The following CRTAC1 variants were observed in gnomAD, a reference collection of about 807,000 sequenced individuals.
CRTAC1 encodes the protein cartilage acidic protein 1, also known as acidic secreted protein in cartilage.
Under a neutral mutation model 67.8 loss-of-function variants are expected in CRTAC1, and 37 were observed. That is an observed-to-expected ratio of 0.55 (90% CI 0.42 to 0.72). The LOEUF (loss-of-function observed/expected upper bound fraction) is 0.72, where lower values mean the gene tolerates loss of function less well. Ranked by LOEUF, CRTAC1 falls within the 30% of genes least tolerant of loss-of-function variation. CRTAC1 has a pLI of 0.00. For missense variants in CRTAC1, 780 were observed against 931.6 expected (o/e 0.84, Z 2.12); for synonymous variants, 348 against 371.0 (o/e 0.94, Z 0.71).
chr10:97,878,614 T>C (rs945768597), intron 14 of CRTAC1: 1 of 1,303,588 alleles, frequency 7.7e-7, no homozygotes, highest in Non-Finnish European at 1.0e-6. Flanking sequence ...CGTTACATCA[T>C]TTCCAAAGAG....
At chr10:97,966,021 C>G (rs1040445869) in intron 2 of CRTAC1, among the ~76,000 whole-genome samples, 24 of 152,218 alleles carry the variant, frequency 1.6e-4, no homozygotes, top group African/African-American at 5.1e-4. Context: ...TGTTCTAGGT[C>G]ATTTCTGAGT....
intron 2 of CRTAC1, among the ~76,000 whole-genome samples, chr10:97,943,001 T>A (rs141340220): frequency 6.6e-6 from 1 of 151,664 alleles, no homozygotes; most frequent in East Asian, 1.9e-4. Flanking sequence ...GAGCACAGGA[T>A]GTCGAGACTG....
Position 97,928,072 on chromosome 10 carries a change from C to T in CRTAC1, c.422-4672G>A, listed in dbSNP as rs148487719. Among the ~76,000 whole-genome samples the T allele has an allele frequency of 1.3e-3, 195 of 152,280 alleles. 3 individuals are homozygous for T. The highest frequency in any genetic ancestry group is 3.5e-3 in the African/African-American group (147 of 41,548). On this transcript the variant is annotated intron_variant, in intron 3 of 14. Coordinates refer to ENST00000370597, the MANE Select transcript of CRTAC1 (RefSeq NM_018058.7). ...GGGAAAGACACTGAGAAGGTAGAGG[C>T]GTGGGAGAAACAGGAGAGCATTTGG...
chr10:98,005,100 A>ATATATTTTTTTTT, intron 2 of CRTAC1, among the ~76,000 whole-genome samples: 14 of 48,884 alleles, frequency 2.9e-4, no homozygotes, highest in African/African-American at 9.2e-4. Context: ...ATATATATAT[A>ATATATTTTTTTTT]TTTTTTTTTT....
chr10:97,878,693 G>T, intron 14 of CRTAC1: 1 of 1,303,956 alleles, frequency 7.7e-7, no homozygotes, highest in Non-Finnish European at 1.0e-6. Flanking sequence ...GTTCTTTCTA[G>T]AAATCAGAGT....
chr10:97,971,426 C>T (rs1422112834), intron 2 of CRTAC1, among the ~76,000 whole-genome samples: 1 of 152,158 alleles, frequency 6.6e-6, no homozygotes, highest in Non-Finnish European at 1.5e-5. Flanking sequence ...TTGTATGATT[C>T]CACTTATAAG....
chr10:97,941,852 C>T (rs1447161110), intron 2 of CRTAC1, among the ~76,000 whole-genome samples: 1 of 152,226 alleles, frequency 6.6e-6, no homozygotes, highest in Non-Finnish European at 1.5e-5. Context: ...CCTTTGGTGG[C>T]TTCCCATTGC....
At chr10:97,879,718 C>A (rs1163023064) in intron 14 of CRTAC1, 1 of 1,550,466 alleles carries the variant, frequency 6.4e-7, no homozygotes, top group Admixed American at 2.0e-5. Flanking sequence ...AGTCCAAGGC[C>A]TAGAGAAAGA....
At chr10:97,901,712 G>T in intron 7 of CRTAC1, 73 bp from the exon 8 acceptor site, 2 of 1,561,638 alleles carry the variant, frequency 1.3e-6, no homozygotes, top group Non-Finnish European at 1.8e-6. Context: ...CCTCTATGGA[G>T]TGTGGGGGCA....
intron 8 of CRTAC1, among the ~76,000 whole-genome samples, chr10:97,899,841 C>G (rs2050509236): frequency 6.6e-6 from 1 of 152,166 alleles, no homozygotes; most frequent in Admixed American, 6.5e-5. Flanking sequence ...CCTCCTTTCC[C>G]CACCTGGTCC....
chr10:97,947,794 C>T (rs758036538), intron 2 of CRTAC1, among the ~76,000 whole-genome samples: 2 of 152,096 alleles, frequency 1.3e-5, no homozygotes, highest in African/African-American at 2.4e-5. Context: ...TGGCTCATGC[C>T]TGTAATCTAA....
At chr10:98,002,761 C>CT (rs531021933) in intron 2 of CRTAC1, among the ~76,000 whole-genome samples, 981 of 37,292 alleles carry the variant, frequency 0.026, 383 homozygotes, top group Non-Finnish European at 0.044. Context: ...ACAAAACTCA[C>CT]TTTTTTTTTT....
intron 2 of CRTAC1, among the ~76,000 whole-genome samples, chr10:98,005,193 C>T (rs951678860): frequency 1.4e-5 from 2 of 146,252 alleles, no homozygotes; most frequent in African/African-American, 5.1e-5. Flanking sequence ...CAATCTCCCC[C>T]TCCCGAGTTC....
intron 13 of CRTAC1, 86 bp downstream of exon 13, chr10:97,882,700 C>T (rs2050231781): frequency 1.2e-5 from 18 of 1,466,040 alleles, no homozygotes; most frequent in Non-Finnish European, 1.7e-5. Context: ...CTTGCTTGCA[C>T]CCTGGACCTT....
intron 2 of CRTAC1, among the ~76,000 whole-genome samples, chr10:97,971,053 G>A (rs2051703507): frequency 6.6e-6 from 1 of 152,212 alleles, no homozygotes; most frequent in Middle Eastern, 3.2e-3. Flanking sequence ...TACATCGCTA[G>A]TATCAAAGTA....
At chr10:97,996,798 A>ACAT (rs1842581266) in intron 2 of CRTAC1, among the ~76,000 whole-genome samples, 2 of 152,150 alleles carry the variant, frequency 1.3e-5, no homozygotes, top group Non-Finnish European at 2.9e-5. Flanking sequence ...TGTTTATTGC[A>ACAT]GCACTATTCA....
chr10:97,987,611 C>T (rs1489778142), intron 2 of CRTAC1, among the ~76,000 whole-genome samples: 2 of 152,212 alleles, frequency 1.3e-5, no homozygotes, highest in African/African-American at 4.8e-5. Flanking sequence ...TTTATGTGCA[C>T]GAGTGTGCAT....
intron 2 of CRTAC1, among the ~76,000 whole-genome samples, chr10:97,969,930 A>G (rs2051680979): frequency 1.3e-5 from 2 of 152,164 alleles, no homozygotes; most frequent in Admixed American, 6.5e-5. Flanking sequence ...TCTCCACCCC[A>G]GACCTCTTCC....
At chr10:97,903,645 C>T (rs1411519220) in intron 7 of CRTAC1, among the ~76,000 whole-genome samples, 1 of 152,072 alleles carries the variant, frequency 6.6e-6, no homozygotes, top group East Asian at 1.9e-4. Flanking sequence ...TGGAACTTTC[C>T]CATTTCCTCA....
Sources: allele counts gnomAD v4.1 joint callset (sites outside exome capture counted in the v4.1 genomes callset), GRCh38; gene constraint gnomAD v4.1.1; transcripts MANE v1.5; gene names NCBI Gene and HGNC (gene_info 2026-07-23, HGNC 2026-07-21).